The following ITGB8 variants were observed in gnomAD, a reference collection of about 807,000 sequenced individuals.
ITGB8 encodes the protein integrin subunit beta 8, also known as integrin beta-8.
A neutral mutation model predicts 89.5 loss-of-function variants in ITGB8; 30 were observed. That is an observed-to-expected ratio of 0.34 (90% CI 0.25 to 0.45). The LOEUF (loss-of-function observed/expected upper bound fraction) is 0.45. ITGB8 is among the 20% of genes least tolerant of loss of function. The pLI, the probability that ITGB8 is intolerant of heterozygous loss-of-function variation, is 1.00. For synonymous variants in ITGB8, 335 were observed against 320.4 expected (o/e 1.05, Z -0.49); for missense variants, 836 against 933.3 (o/e 0.90, Z 1.36).
chr7:20,376,895 G>T (rs1398557993), intron 3 of ITGB8, among the ~76,000 whole-genome samples: 1 of 152,188 alleles, frequency 6.6e-6, no homozygotes, highest in East Asian at 1.9e-4. Context: ...TACGTGCTAA[G>T]GCCAGAATTT....
At chr7:20,406,229 C>A in intron 12 of ITGB8, 58 bp downstream of exon 12, 3 of 1,031,544 alleles carry the variant, frequency 2.9e-6, no homozygotes, top group Non-Finnish European at 4.6e-6. Context: ...ATGATGTTCC[C>A]CCAAAAGACC....
chr7:20,342,171 T>G (rs1199717079), intron 1 of ITGB8, among the ~76,000 whole-genome samples: 1 of 152,160 alleles, frequency 6.6e-6, no homozygotes, highest in Non-Finnish European at 1.5e-5. Context: ...AACATCAAGC[T>G]CCAGAGGACG....
At position 20,409,769 on chromosome 7, in the gene ITGB8, C is replaced by A; in HGVS notation, c.2178C>A (p.Ala726=). The change falls in exon 13 of 14, where the codon GCC becomes GCA. Residue 726 remains alanine, a synonymous_variant. Transcript: ENST00000222573. The part of the protein sequence containing the change: ...IKSSSDYRVS[A]SKKDKLILQS... ...CCTCATCAGATTACAGAGTGTCAGC[C>A]TCAAAAAAGGTCAGTGAATTCTAAA... 2 of 1,612,576 alleles carry A rather than the reference C, an allele frequency of 1.2e-6. No individual in the cohort carries two copies. The highest frequency in any genetic ancestry group is 2.7e-5 in the African/African-American group (2 of 74,906).
Position 20,379,312 on chromosome 7 carries a change from A to T in ITGB8, c.635+15A>T, listed in dbSNP as rs1786277923. ...AATCAATGCAGGTATCTAGGGTTTG[A>T]TGTGGATATGCTAAATTAATTTTTT... On this transcript the variant is annotated intron_variant, in intron 4 of 13. Coordinates refer to ENST00000222573, the MANE Select transcript of ITGB8 (RefSeq NM_002214.3). 4 of 1,517,512 alleles carry T rather than the reference A, an allele frequency of 2.6e-6. No homozygotes were observed. The South Asian group carries it at 5.3e-5, about 20-fold the overall frequency. 94.0% of individuals were successfully genotyped at this position (1,517,512 alleles called of 1,614,324 possible).
chr7:20,349,105 A>T (rs906006635), intron 1 of ITGB8, among the ~76,000 whole-genome samples: 1 of 152,142 alleles, frequency 6.6e-6, no homozygotes, highest in Non-Finnish European at 1.5e-5. Context: ...ATATTAAAGT[A>T]TTACGGAAGA....
intron 3 of ITGB8, among the ~76,000 whole-genome samples, chr7:20,376,323 T>G (rs1249639328): frequency 6.6e-6 from 1 of 152,128 alleles, no homozygotes; most frequent in Non-Finnish European, 1.5e-5. Flanking sequence ...ATTAAATCAT[T>G]TCCAGGGTCA....
chr7:20,333,016 G>A (rs1784461579), intron 1 of ITGB8, among the ~76,000 whole-genome samples: 1 of 151,550 alleles, frequency 6.6e-6, no homozygotes, highest in African/African-American at 2.4e-5. Context: ...TTGGGCTCAA[G>A]GAGAGTTTAA....
chr7:20,336,034 C>G (rs1784565322), intron 1 of ITGB8, among the ~76,000 whole-genome samples: 1 of 106,572 alleles, frequency 9.4e-6, no homozygotes, highest in Non-Finnish European at 1.7e-5. Context: ...GAGACGGAGT[C>G]TTGCTCTGTC....
At chr7:20,391,590 AATT>A (rs751403346) in intron 7 of ITGB8, 92 bp downstream of exon 7, 16 of 608,242 alleles carry the variant, frequency 2.6e-5, no homozygotes, top group East Asian at 6.1e-5. Context: ...AGGATTCTGG[AATT>A]ATTATACTTT....
chr7:20,410,042 A>C lies in ITGB8; in HGVS notation c.*45A>C. 1 of 1,571,884 alleles carries C rather than the reference A, an allele frequency of 6.4e-7. No individual in the cohort carries two copies. Among genetic ancestry groups the C allele is most frequent in the Non-Finnish European group, 8.7e-7 (1 of 1,154,174 alleles). ...TAATGGGAAACTGGAATTGTTAATA[A>C]TTGCTCCTAAAGATTATAATTTTAA... On this transcript the variant is annotated 3_prime_UTR_variant, in exon 14 of 14. Transcript: ENST00000222573.
intron 1 of ITGB8, among the ~76,000 whole-genome samples, chr7:20,337,520 A>G (rs1392037572): frequency 6.6e-6 from 1 of 152,228 alleles, no homozygotes; most frequent in East Asian, 1.9e-4. Context: ...ATTTGAAAAT[A>G]TAATATATCC....
At chr7:20,346,168 G>A (rs1196651927) in intron 1 of ITGB8, among the ~76,000 whole-genome samples, 1 of 152,170 alleles carries the variant, frequency 6.6e-6, no homozygotes, top group Non-Finnish European at 1.5e-5. Flanking sequence ...ACATCTCCAA[G>A]CTCAAGGCTG....
chr7:20,349,572 T>C (rs923714142), intron 1 of ITGB8, among the ~76,000 whole-genome samples: 6 of 151,980 alleles, frequency 3.9e-5, no homozygotes, highest in Non-Finnish European at 8.8e-5. Flanking sequence ...GTTCAATCCA[T>C]ACAAAAAAGT....
At chr7:20,352,218 T>G (rs998163536) in intron 1 of ITGB8, 6 of 152,212 alleles carry the variant, frequency 3.9e-5, no homozygotes, top group Non-Finnish European at 7.3e-5. Flanking sequence ...CTTTTTCAAG[T>G]TCTAAGTCTA....
intron 3 of ITGB8, among the ~76,000 whole-genome samples, chr7:20,369,561 T>C (rs1374138119): frequency 6.6e-6 from 1 of 152,140 alleles, no homozygotes; most frequent in Admixed American, 6.5e-5. Flanking sequence ...ATCATATCTC[T>C]CAGAGACCCC....
At chr7:20,408,808 T>C (rs1037632558) in intron 12 of ITGB8, among the ~76,000 whole-genome samples, 3 of 152,096 alleles carry the variant, frequency 2.0e-5, no homozygotes, top group Non-Finnish European at 4.4e-5. Context: ...AAAGATCTGG[T>C]GCTAAAATGA....
intron 6 of ITGB8, among the ~76,000 whole-genome samples, chr7:20,384,612 A>C (rs1786529872): frequency 6.6e-6 from 1 of 152,214 alleles, no homozygotes; most frequent in Non-Finnish European, 1.5e-5. Flanking sequence ...TAAACAGCTA[A>C]AACATTAATA....
chr7:20,336,011 T>TTC (rs1231119648), intron 1 of ITGB8, among the ~76,000 whole-genome samples: 4 of 112,076 alleles, frequency 3.6e-5, no homozygotes. Context: ...TTTTTTTTTT[T>TTC]TTTTTTTTTT....
chr7:20,363,749 T>A, intron 2 of ITGB8, 27 bp downstream of exon 2: 1 of 1,440,106 alleles, frequency 6.9e-7, no homozygotes, highest in Non-Finnish European at 9.5e-7. Flanking sequence ...TTTCTTTTTC[T>A]CATGGTTGAC....
Sources: gnomAD v4.1 joint callset for allele counts (sites outside exome capture counted in the v4.1 genomes callset) on GRCh38, gnomAD v4.1.1 for gene constraint, MANE v1.5 for transcripts, NCBI Gene and HGNC (gene_info 2026-07-23, HGNC 2026-07-21) for gene names.